Variants in PPARGC1A observed in about 807,000 individuals in gnomAD.
PPARGC1A encodes the protein PPARG coactivator 1 alpha, also known as peroxisome proliferator-activated receptor gamma coactivator 1-alpha.
Under a neutral mutation model 88.7 loss-of-function variants are expected in PPARGC1A, and 25 were observed. The ratio of observed to expected loss-of-function variants is 0.28; its 90% confidence interval spans 0.21 to 0.39. The LOEUF (loss-of-function observed/expected upper bound fraction) is 0.39, where lower values mean the gene tolerates loss of function less well. PPARGC1A is among the 10% of genes least tolerant of loss of function. PPARGC1A has a pLI of 1.00. For missense variants in PPARGC1A, 880 were observed against 968.7 expected (o/e 0.91, Z 1.22); for synonymous variants, 363 against 355.6 (o/e 1.02, Z -0.24).
chr4:23,799,519 C>T (rs1018809072), intron 12 of PPARGC1A, among the ~76,000 whole-genome samples: 2 of 152,194 alleles, frequency 1.3e-5, no homozygotes, highest in African/African-American at 4.8e-5. Context: ...ATTCCAAAGC[C>T]TGGCCTCTTC....
intron 2 of PPARGC1A, chr4:23,884,490 T>G: frequency 2.5e-6 from 1 of 405,266 alleles, no homozygotes; most frequent in Non-Finnish European, 4.3e-6. Flanking sequence ...AACCCTTTAG[T>G]ATTTCAACAC....
At chr4:24,286,191 T>C in the PPARGC1A span, among the ~76,000 whole-genome samples, 2 of 151,922 alleles carry the variant, frequency 1.3e-5, no homozygotes, top group African/African-American at 2.4e-5. Context: ...AAGCAGTCAG[T>C]GCCCAGAGAA....
At chr4:24,100,312 C>T in the PPARGC1A span, among the ~76,000 whole-genome samples, 1 of 152,096 alleles carries the variant, frequency 6.6e-6, no homozygotes. Flanking sequence ...GGATTTGGAA[C>T]AGAATGACTG....
At chr4:24,101,137 G>A in the PPARGC1A span, among the ~76,000 whole-genome samples, 1 of 152,182 alleles carries the variant, frequency 6.6e-6, no homozygotes, top group African/African-American at 2.4e-5. Flanking sequence ...GGAGGTGATT[G>A]GAACACGGAA....
chr4:23,886,702 G>A (rs2148841513), intron 1 of PPARGC1A, among the ~76,000 whole-genome samples: 1 of 152,218 alleles, frequency 6.6e-6, no homozygotes, highest in South Asian at 2.1e-4. Flanking sequence ...GGTTGTGGAT[G>A]TAACACTGCC....
chr4:24,347,805 T>C, the PPARGC1A span, among the ~76,000 whole-genome samples: 11 of 152,330 alleles, frequency 7.2e-5, no homozygotes, highest in South Asian at 1.9e-3. Flanking sequence ...CTGCTCTTTG[T>C]TGCTTCTGTG....
At chr4:24,183,902 C>T in the PPARGC1A span, among the ~76,000 whole-genome samples, 6 of 152,140 alleles carry the variant, frequency 3.9e-5, no homozygotes, top group Admixed American at 1.3e-4. Context: ...ACTTGCAGTA[C>T]GTAGAAAACT....
chr4:24,304,552 G>T, the PPARGC1A span, among the ~76,000 whole-genome samples: 2,742 of 152,174 alleles, frequency 0.018, 35 homozygotes, highest in Middle Eastern at 0.054. Flanking sequence ...GGCTGAGCTG[G>T]GATTCAAACC....
chr4:23,794,047 G>A lies in PPARGC1A; in HGVS notation c.*1775C>T, dbSNP rs1301417295. ...CAGATAAATACCATCGTCATACTCTGCCAAGGGAAAGAAATACTGGCTTCA... is the reference window on the plus strand; with the variant it reads ...CAGATAAATACCATCGTCATACTCTACCAAGGGAAAGAAATACTGGCTTCA... On this transcript the variant is annotated 3_prime_UTR_variant, in exon 13 of 13. Transcript: ENST00000264867. 1 of 152,520 alleles carries A rather than the reference G, an allele frequency of 6.6e-6. No individual in the cohort carries two copies. The highest frequency in any genetic ancestry group is 6.6e-5 in the Admixed American group (1 of 15,264). 9.4% of individuals were successfully genotyped at this position (152,520 alleles called of 1,614,324 possible).
At chr4:23,970,849 G>C in the PPARGC1A span, among the ~76,000 whole-genome samples, 1 of 152,042 alleles carries the variant, frequency 6.6e-6, no homozygotes, top group African/African-American at 2.4e-5. Flanking sequence ...CCAGATTTTT[G>C]CTTTCCTTTT....
the PPARGC1A span, among the ~76,000 whole-genome samples, chr4:24,133,746 G>A: frequency 1.3e-5 from 2 of 152,218 alleles, no homozygotes; most frequent in Admixed American, 1.3e-4. Context: ...CAAGCACAAG[G>A]GGACATTATT....
intron 12 of PPARGC1A, among the ~76,000 whole-genome samples, chr4:23,800,412 A>G (rs1309394719): frequency 1.3e-5 from 2 of 152,040 alleles, no homozygotes; most frequent in Non-Finnish European, 2.9e-5. Context: ...AGCATTATTT[A>G]TAATATTGAA....
chr4:24,471,701 G>A, the PPARGC1A span, among the ~76,000 whole-genome samples: 7 of 152,268 alleles, frequency 4.6e-5, no homozygotes, highest in Middle Eastern at 0.01. This position sits in a 1 kb window ranked among gnomAD's most constrained non-coding sequence, Gnocchi z 5.4. Flanking sequence ...CGGCGGCGTG[G>A]AGCGTCTAGG....
At chr4:23,893,850 A>G (rs1296266382), upstream of PPARGC1A, among the ~76,000 whole-genome samples, 1 of 152,176 alleles carries the variant, frequency 6.6e-6, no homozygotes, top group East Asian at 1.9e-4. Context: ...TTCTCAAGAA[A>G]GAAAGGTGGA....
the PPARGC1A span, among the ~76,000 whole-genome samples, chr4:24,376,104 C>T: frequency 1.3e-5 from 2 of 151,900 alleles, no homozygotes; most frequent in Non-Finnish European, 1.5e-5. Context: ...ACAGCCCATA[C>T]ATTTTACTTT....
chr4:24,241,801 C>T, the PPARGC1A span, among the ~76,000 whole-genome samples: 1 of 152,186 alleles, frequency 6.6e-6, no homozygotes, highest in Non-Finnish European at 1.5e-5. Context: ...TAGTACTCTG[C>T]TTTTGACAAA....
At chr4:23,977,263 C>T in the PPARGC1A span, among the ~76,000 whole-genome samples, 1 of 152,166 alleles carries the variant, frequency 6.6e-6, no homozygotes, top group Non-Finnish European at 1.5e-5. Flanking sequence ...TTAGTGCCAC[C>T]TAGTTCCCAC....
intron 2 of PPARGC1A, among the ~76,000 whole-genome samples, chr4:23,864,600 G>A (rs545590839): frequency 1.4e-4 from 21 of 152,184 alleles, no homozygotes; most frequent in Non-Finnish European, 2.8e-4. Context: ...AGAACAAGAG[G>A]AAAGTCTTTC....
At chr4:24,278,117 T>C in the PPARGC1A span, among the ~76,000 whole-genome samples, 16 of 152,044 alleles carry the variant, frequency 1.1e-4, no homozygotes, top group South Asian at 1.7e-3. Context: ...CCATAAGTTA[T>C]GATTGCACCA....
Sources: gnomAD v4.1 joint callset for allele counts (sites outside exome capture counted in the v4.1 genomes callset) on GRCh38, gnomAD v4.1.1 for gene constraint, Gnocchi (gnomAD v3.1) non-coding constraint, MANE v1.5 for transcripts, NCBI Gene and HGNC (gene_info 2026-07-23, HGNC 2026-07-21) for gene names.